Variants in RBM20 observed in about 807,000 individuals in gnomAD.
The protein encoded by RBM20 is RNA binding motif protein 20.
A neutral mutation model predicts 110.1 loss-of-function variants in RBM20; 51 were observed. The observed-to-expected ratio is 0.46, with a 90% confidence interval of 0.37 to 0.59. RBM20 has a LOEUF of 0.59. RBM20 is among the 20% of genes least tolerant of loss of function. The pLI, the probability that RBM20 is intolerant of heterozygous loss-of-function variation, is 0.00. For missense variants in RBM20, 1,512 were observed against 1,574.9 expected (o/e 0.96, Z 0.68); for synonymous variants, 589 against 618.2 (o/e 0.95, Z 0.70).
At chr10:110,773,073 AT>A (rs1159091641) in intron 1 of RBM20, among the ~76,000 whole-genome samples, 1 of 152,160 alleles carries the variant, frequency 6.6e-6, no homozygotes, top group East Asian at 1.9e-4. Flanking sequence ...AGGTCTTCTG[AT>A]TTCTAGCTTC....
At chr10:110,798,993 CTG>C (rs761164874) in intron 6 of RBM20, among the ~76,000 whole-genome samples, 2 of 152,152 alleles carry the variant, frequency 1.3e-5, no homozygotes, top group African/African-American at 4.8e-5. Flanking sequence ...GCCCATTTGT[CTG>C]TGTTTTATCA....
At position 110,812,468 on chromosome 10, in the gene RBM20, G is replaced by A; in HGVS notation, c.2071G>A (p.Ala691Thr). ...YARREEERDP[A>T]PWRDNGDDKR... is the part of the protein sequence containing the mutation. ...CAGGAGGGAGGAAGAGCGAGACCCGGCTCCCTGGAGGGACAACGGAGATGA... is the reference window on the plus strand; with the variant it reads ...CAGGAGGGAGGAAGAGCGAGACCCGACTCCCTGGAGGGACAACGGAGATGA... The change falls in exon 9 of 14, where the codon GCT becomes ACT. Residue 691 changes from alanine (A) to threonine (T), a missense_variant. By Grantham distance (58) the Ala-to-Thr change is moderately conservative (BLOSUM62 0). Around this residue, in one of 3 missense-constraint regions of RBM20, gnomAD observed 1,149 missense variants for 1,169.4 expected, o/e 0.98. Coordinates refer to ENST00000369519, the MANE Select transcript of RBM20 (RefSeq NM_001134363.3). The A allele has an allele frequency of 5.2e-6, 8 of 1,551,692 alleles. 1 individual carries two copies. The highest frequency in any genetic ancestry group is 7.0e-6 in the Non-Finnish European group (8 of 1,146,992).
intron 12 of RBM20, among the ~76,000 whole-genome samples, chr10:110,824,681 A>G (rs1844961017): frequency 6.6e-6 from 1 of 152,214 alleles, no homozygotes; most frequent in Non-Finnish European, 1.5e-5. Context: ...AAGGCACTTT[A>G]AGAAAGTTCC....
chr10:110,812,956 C>A lies in RBM20; in HGVS notation c.2550+9C>A. Reference sequence around the variant, plus strand: ...CAATGGCAGAGAATGAGGTAATGATCAATTTCTTCCCCAGGTAAGGCGAGG... The same window carrying A: ...CAATGGCAGAGAATGAGGTAATGATAAATTTCTTCCCCAGGTAAGGCGAGG... On this transcript the variant is annotated intron_variant, in intron 9 of 13. Transcript: ENST00000369519. 1 of 1,440,546 alleles carries A rather than the reference C, an allele frequency of 6.9e-7. No homozygotes were observed. Among genetic ancestry groups the A allele is most frequent in the South Asian group, 1.5e-5 (1 of 64,762 alleles). The allele number at this position is 1,440,546 out of a possible 1,614,324, so 89.2% of individuals were successfully genotyped here. A position where few individuals can be genotyped will look rare whatever the true frequency, so the allele number is the denominator to read the frequency against.
At chr10:110,659,868 A>AT (rs565516326) in intron 1 of RBM20, among the ~76,000 whole-genome samples, 895 of 84,280 alleles carry the variant, frequency 0.011, 4 homozygotes, top group South Asian at 0.038. Context: ...TTTTTTTTTA[A>AT]TTTTTTTTTT....
chr10:110,672,149 G>A (rs140197816), intron 1 of RBM20, among the ~76,000 whole-genome samples: 198 of 152,260 alleles, frequency 1.3e-3, no homozygotes, highest in Middle Eastern at 6.8e-3. Flanking sequence ...TCAGGGAGCC[G>A]TCCCTGCCGC....
chr10:110,659,142 C>T (rs1862064655), intron 1 of RBM20, among the ~76,000 whole-genome samples: 1 of 152,220 alleles, frequency 6.6e-6, no homozygotes, highest in African/African-American at 2.4e-5. Context: ...AAATACTAGT[C>T]AGGATGCTCT....
At chr10:110,666,404 A>C (rs1346703169) in intron 1 of RBM20, among the ~76,000 whole-genome samples, 2 of 152,168 alleles carry the variant, frequency 1.3e-5, no homozygotes. Context: ...GCACTTTGGG[A>C]GGCTGAGGCA....
chr10:110,770,877 A>G (rs764206629), intron 1 of RBM20, among the ~76,000 whole-genome samples: 1 of 152,192 alleles, frequency 6.6e-6, no homozygotes, highest in African/African-American at 2.4e-5. Flanking sequence ...CTGAAATTGC[A>G]TTTTCTTCCG....
In RBM20 at chr10:110,752,599, G is replaced by T. The variant is rs1219184709; in HGVS notation, c.192-28202G>T. ...TTTCTGGATATAGATGTAGTTGAAA[G>T]GGATAAATATGTACTTATTTTTTTC... On this transcript the variant is annotated intron_variant, in intron 1 of 13. Coordinates refer to ENST00000369519, the MANE Select transcript of RBM20 (RefSeq NM_001134363.3). Among the ~76,000 whole-genome samples the T allele has an allele frequency of 2.0e-5, 3 of 152,244 alleles. No homozygotes were observed. In the East Asian group the frequency reaches 5.8e-4, roughly 29 times the overall value.
chr10:110,831,036 G>T, intron 12 of RBM20, 25 bp from the exon 13 acceptor site: 1 of 1,543,420 alleles, frequency 6.5e-7, no homozygotes, highest in Non-Finnish European at 8.8e-7. Flanking sequence ...CTAACCCTGC[G>T]TGTCTATCCC....
At chr10:110,652,056 A>G (rs557145970) in intron 1 of RBM20, among the ~76,000 whole-genome samples, 1 of 152,376 alleles carries the variant, frequency 6.6e-6, no homozygotes, top group East Asian at 1.9e-4. Context: ...CTGTCTAGAA[A>G]AGTGAAAATT....
intron 1 of RBM20, among the ~76,000 whole-genome samples, chr10:110,765,098 G>T (rs1844062300): frequency 6.6e-6 from 1 of 152,128 alleles, no homozygotes; most frequent in South Asian, 2.1e-4. Context: ...AGGAAGTCTA[G>T]ATGCTCTTTT....
chr10:110,723,061 G>A lies in RBM20; in HGVS notation c.192-57740G>A, dbSNP rs1331084700. On this transcript the variant is annotated intron_variant, in intron 1 of 13. Transcript: ENST00000369519. ...CAGGAGGCAGAGGTTGCAGTGAGCC[G>A]AGATCACCTCACTGCACTCCAGCCT... Among the ~76,000 whole-genome samples, 5 of 150,456 alleles carry A rather than the reference G, an allele frequency of 3.3e-5. No homozygotes were observed. The East Asian group carries it at 7.8e-4, about 23-fold the overall frequency.
intron 1 of RBM20, among the ~76,000 whole-genome samples, chr10:110,718,025 A>G (rs1843457395): frequency 6.6e-6 from 1 of 152,200 alleles, no homozygotes; most frequent in Non-Finnish European, 1.5e-5. Flanking sequence ...ATGTGGCAAT[A>G]TCCTTTGAGA....
chr10:110,696,935 C>T (rs1025605477), intron 1 of RBM20, among the ~76,000 whole-genome samples: 2 of 152,188 alleles, frequency 1.3e-5, no homozygotes, highest in African/African-American at 2.4e-5. Flanking sequence ...TTTCCAGCCT[C>T]CCAAAAGGGA....
intron 1 of RBM20, among the ~76,000 whole-genome samples, chr10:110,780,111 G>T (rs775544967): frequency 1.3e-4 from 20 of 152,118 alleles, no homozygotes; most frequent in Non-Finnish European, 2.4e-4. Flanking sequence ...GTATTGGAAT[G>T]CTCTCTGTCT....
intron 1 of RBM20, among the ~76,000 whole-genome samples, chr10:110,755,698 T>G (rs1411501219): frequency 6.6e-6 from 1 of 152,216 alleles, no homozygotes; most frequent in Non-Finnish European, 1.5e-5. Flanking sequence ...GTGTCCCATC[T>G]TGGGGGAAAA....
At chr10:110,759,201 A>T (rs1843962366) in intron 1 of RBM20, among the ~76,000 whole-genome samples, 1 of 152,062 alleles carries the variant, frequency 6.6e-6, no homozygotes. Flanking sequence ...TTTGTTCTGG[A>T]CTTGCATCTT....
Sources: gnomAD v4.1 joint callset for allele counts (sites outside exome capture counted in the v4.1 genomes callset) on GRCh38, gnomAD v4.1.1 for gene constraint, gnomAD v4.1.1 regional missense constraint, MANE v1.5 for transcripts, NCBI Gene and HGNC (gene_info 2026-07-23, HGNC 2026-07-21) for gene names.